LRRC37A2: variants seen among roughly 807,000 people sequenced by gnomAD.
LRRC37A2 encodes the protein leucine rich repeat containing 37 member A2.
Under a neutral mutation model 68.8 loss-of-function variants are expected in LRRC37A2, and 9 were observed. That is an observed-to-expected ratio of 0.13 (90% CI 0.08 to 0.23). The LOEUF (loss-of-function observed/expected upper bound fraction) is 0.23. Ranked by LOEUF, LRRC37A2 falls within the 10% of genes least tolerant of loss-of-function variation. The pLI is 1.00. For synonymous variants in LRRC37A2, 63 were observed against 367.6 expected, an observed-to-expected ratio of 0.17 and a Z score of 9.48; for missense variants, 168 against 950.4, an observed-to-expected ratio of 0.18 and a Z score of 10.82.
chr17:46,896,440 A>AAG, the LRRC37A2 span, among the ~76,000 whole-genome samples: 5 of 73,642 alleles, frequency 6.8e-5, no homozygotes, highest in Non-Finnish European at 1.1e-4. Context: ...GAAAGAAAGA[A>AAG]AGAAAGAAAG....
chr17:46,948,584 G>A, the LRRC37A2 span: 2 of 152,220 alleles, frequency 1.3e-5, no homozygotes, highest in African/African-American at 2.4e-5. Flanking sequence ...TCCTCGTAGG[G>A]GAAATGGGAA....
At chr17:46,764,190 C>A in the LRRC37A2 span, 2 of 152,460 alleles carry the variant, frequency 1.3e-5, no homozygotes, top group Non-Finnish European at 2.9e-5. Flanking sequence ...ACCCTCCAGG[C>A]GTCTTGGAAT....
chr17:46,978,437 G>C, the LRRC37A2 span: 1 of 541,220 alleles, frequency 1.8e-6, no homozygotes, highest in East Asian at 3.5e-5. Context: ...CTCCCACCCC[G>C]CAACGCTGCA....
the LRRC37A2 span, among the ~76,000 whole-genome samples, chr17:46,769,443 T>A: frequency 6.7e-6 from 1 of 149,546 alleles, no homozygotes; most frequent in African/African-American, 2.5e-5. Context: ...AGTAAGGGAG[T>A]GGAGGCTGAA....
the LRRC37A2 span, among the ~76,000 whole-genome samples, chr17:46,722,418 G>T: frequency 6.6e-6 from 1 of 152,194 alleles, no homozygotes; most frequent in Non-Finnish European, 1.5e-5. Context: ...AGTTGTACTA[G>T]TCTGGCTAGG....
chr17:46,750,686 T>C, the LRRC37A2 span, among the ~76,000 whole-genome samples: 1 of 152,206 alleles, frequency 6.6e-6, no homozygotes, highest in Non-Finnish European at 1.5e-5. Context: ...GTATCCAGCA[T>C]GAGTGATGTA....
the LRRC37A2 span, among the ~76,000 whole-genome samples, chr17:46,662,205 C>G: frequency 5.2e-3 from 18 of 3,474 alleles, no homozygotes; most frequent in African/African-American, 6.2e-3. Context: ...GAACTCCTGA[C>G]GTCAGGTGAT....
At chr17:46,746,658 G>A in the LRRC37A2 span, among the ~76,000 whole-genome samples, 1 of 152,172 alleles carries the variant, frequency 6.6e-6, no homozygotes, top group Admixed American at 6.5e-5. Context: ...AACTTTTTTA[G>A]TAATGTGTTT....
chr17:46,704,669 A>G, the LRRC37A2 span: 1 of 1,473,578 alleles, frequency 6.8e-7, no homozygotes, highest in African/African-American at 1.5e-5. Context: ...ATGCTTTTAA[A>G]TCCTCAAGAG....
chr17:46,936,097 C>T, the LRRC37A2 span: 1 of 985,896 alleles, frequency 1.0e-6, no homozygotes, highest in Non-Finnish European at 1.2e-6. Context: ...ACACTCACCT[C>T]CTGCTGACAG....
intron 8 of LRRC37A2, among the ~76,000 whole-genome samples, chr17:46,542,514 G>GATAT (rs574096941): frequency 1.4e-5 from 2 of 146,196 alleles, no homozygotes; most frequent in African/African-American, 5.4e-5. Flanking sequence ...TTCTTTGCAG[G>GATAT]ATATATATAT....
At chr17:46,933,355 G>A in the LRRC37A2 span, 62,476 of 152,036 alleles carry the variant, frequency 0.41, 12,838 homozygotes, top group South Asian at 0.5. Context: ...TAGATGGGAG[G>A]GTAAGAAAGA....
the LRRC37A2 span, chr17:46,998,932 C>T: frequency 6.6e-6 from 1 of 152,256 alleles, no homozygotes; most frequent in Non-Finnish European, 1.5e-5. Context: ...AAGAATCATC[C>T]TTAGCACAGA....
the LRRC37A2 span, chr17:46,978,594 C>T: frequency 6.5e-7 from 1 of 1,535,084 alleles, no homozygotes; most frequent in South Asian, 1.2e-5. Flanking sequence ...GGGTCCGGGT[C>T]TCCGGGGTCC....
chr17:46,773,075 G>C, the LRRC37A2 span, among the ~76,000 whole-genome samples: 1 of 152,238 alleles, frequency 6.6e-6, no homozygotes, highest in South Asian at 2.1e-4. Context: ...AAATCATGTG[G>C]TTCCCTGTCC....
chr17:46,676,283 A>C, the LRRC37A2 span, among the ~76,000 whole-genome samples: 2 of 129,556 alleles, frequency 1.5e-5, no homozygotes, highest in Non-Finnish European at 3.1e-5. Flanking sequence ...CCCAGGCTGG[A>C]GTGCAATGGC....
chr17:46,864,325 A>C, the LRRC37A2 span, among the ~76,000 whole-genome samples: 698 of 152,208 alleles, frequency 4.6e-3, 10 homozygotes, highest in African/African-American at 0.016. Flanking sequence ...CTGCCTCCAC[A>C]TCCCCACACC....
the LRRC37A2 span, among the ~76,000 whole-genome samples, chr17:46,915,033 T>C: frequency 6.6e-6 from 1 of 152,368 alleles, no homozygotes; most frequent in Admixed American, 6.5e-5. Flanking sequence ...GGTTATCTAT[T>C]GCTGCATAAC....
the LRRC37A2 span, among the ~76,000 whole-genome samples, chr17:46,867,367 G>GCATC: frequency 6.6e-6 from 1 of 152,232 alleles, no homozygotes; most frequent in East Asian, 1.9e-4. Flanking sequence ...TTGAACCCAG[G>GCATC]CAGTCTGGCT....
Sources: gnomAD v4.1 joint callset for allele counts (sites outside exome capture counted in the v4.1 genomes callset) on GRCh38, gnomAD v4.1.1 for gene constraint, MANE v1.5 for transcripts, NCBI Gene and HGNC (gene_info 2026-07-23, HGNC 2026-07-21) for gene names.